The following CLK1 variants were observed in gnomAD, a reference collection of about 807,000 sequenced individuals.
CLK1 encodes dual specificity protein kinase CLK1.
CLK1 carries 40 observed loss-of-function variants against 60.9 expected under a neutral mutation model. The observed-to-expected ratio is 0.66, with a 90% CI of 0.51 to 0.86. The LOEUF (loss-of-function observed/expected upper bound fraction) is 0.86. CLK1 is among the 40% of genes least tolerant of loss of function. The pLI, the probability that CLK1 is intolerant of heterozygous loss-of-function variation, is 0.00. For synonymous variants in CLK1, 203 were observed against 184.4 expected (o/e 1.10, Z -0.82); for missense variants, 563 against 606.1 (o/e 0.93, Z 0.75).
intron 5 of CLK1, 29 bp downstream of exon 5, chr2:200,859,651 T>G: frequency 6.2e-7 from 1 of 1,601,466 alleles, no homozygotes; most frequent in Non-Finnish European, 8.5e-7. Context: ...CCAACTTCCC[T>G]AAAAGTAATC....
At chr2:200,862,328 G>C (rs552493186) in intron 1 of CLK1, among the ~76,000 whole-genome samples, 1 of 152,284 alleles carries the variant, frequency 6.6e-6, no homozygotes, top group Non-Finnish European at 1.5e-5. Context: ...AGCCTTAACT[G>C]ATGACATTCC....
At chr2:200,864,478 C>T in intron 1 of CLK1, 86 bp downstream of exon 1, 2 of 485,648 alleles carry the variant, frequency 4.1e-6, no homozygotes, top group South Asian at 6.5e-5. Flanking sequence ...GGGCAGCAAA[C>T]AAGCAGGAAA....
In CLK1 at chr2:200,864,066, T is replaced by C. The variant is rs529576782; in HGVS notation, c.-1+498A>G. The C allele has an allele frequency of 1.4e-3, 2,203 of 1,537,328 alleles. 44 individuals carry two copies. In the South Asian group the frequency reaches 0.021, roughly 14 times the overall value. ...CACTTTCATCATTAGACATTAACTG[T>C]AACCCCTACGGGTTCCGTCTCTTTC... is the stretch of plus-strand genomic sequence containing the variant. On this transcript the variant is annotated intron_variant, in intron 1 of 12. Transcript: ENST00000321356.
At chr2:200,862,071 C>T (rs921589633) in intron 1 of CLK1, among the ~76,000 whole-genome samples, 1 of 149,404 alleles carries the variant, frequency 6.7e-6, no homozygotes, top group Non-Finnish European at 1.5e-5. Context: ...CTGCATTAGC[C>T]ATATCATGCC....
Position 200,855,865 on chromosome 2 carries a change from C to T in CLK1, c.1058-779G>A, listed in dbSNP as rs560933867. ...CTCTACCAAAAATAAGAAAATTAACCGGGTGTGGTGGTGGGTGCCTATAAT... is the reference window on the plus strand; with the variant it reads ...CTCTACCAAAAATAAGAAAATTAACTGGGTGTGGTGGTGGGTGCCTATAAT... On this transcript the variant is annotated intron_variant, in intron 9 of 12. Coordinates refer to ENST00000321356, the MANE Select transcript of CLK1 (RefSeq NM_004071.4). Among the ~76,000 whole-genome samples, 29 of 150,738 alleles carry T rather than the reference C, an allele frequency of 1.9e-4. No homozygotes were observed. In the South Asian group the frequency reaches 5.3e-3, roughly 27 times the overall value.
Position 200,856,749 on chromosome 2 carries a change from T to G in CLK1, c.990A>C (p.Thr330=). ...ATGTACTGTGATGTTCGTCATCATA[T>G]GTTGCACTACCAAAGTCTACAACTT... ...DIKVVDFGSA[T]YDDEHHSTLV... The change falls in exon 9 of 13, where the codon ACA becomes ACC. Residue 330 remains threonine (T), a synonymous_variant. Transcript: ENST00000321356. 1 of 1,613,600 alleles carries G rather than the reference T, an allele frequency of 6.2e-7. No individual in the cohort carries two copies. The highest frequency in any genetic ancestry group is 1.7e-5 in the Admixed American group (1 of 59,980).
chr2:200,859,050 C>T (rs1178530914), intron 5 of CLK1, among the ~76,000 whole-genome samples: 2 of 151,830 alleles, frequency 1.3e-5, no homozygotes, highest in Non-Finnish European at 1.5e-5. Flanking sequence ...GGCATGGTGG[C>T]GCGTGTCTGT....
chr2:200,853,500 T>C, intron 12 of CLK1, 51 bp from the exon 13 acceptor site: 1 of 1,506,608 alleles, frequency 6.6e-7, no homozygotes, highest in Non-Finnish European at 9.0e-7. Flanking sequence ...TACCATTGAC[T>C]ACACTATGTA....
Position 200,853,264 on chromosome 2 carries a change from C to A in CLK1, c.*42G>T, listed in dbSNP as rs1463229550. 2.0e-6 allele frequency: 3 copies of A among 1,469,330 alleles called. No individual in the cohort carries two copies. The highest frequency in any genetic ancestry group is 2.3e-5 in the East Asian group (1 of 42,668). 91.0% of individuals were successfully genotyped at this position (1,469,330 alleles called of 1,614,324 possible). ...TTAAAATTTAAAAATTAGACTGATACAGTCTGTAAGATCTCTTCGAGAGAG... is the reference window on the plus strand; with the variant it reads ...TTAAAATTTAAAAATTAGACTGATAAAGTCTGTAAGATCTCTTCGAGAGAG... On this transcript the variant is annotated 3_prime_UTR_variant, in exon 13 of 13. Transcript: ENST00000321356.
intron 9 of CLK1, among the ~76,000 whole-genome samples, chr2:200,855,342 GCA>G (rs1406566582): frequency 2.6e-5 from 4 of 152,112 alleles, no homozygotes; most frequent in African/African-American, 9.7e-5. Flanking sequence ...AATTGGCCGG[GCA>G]CAGTGGCTCA....
rs1310287422 is a variant in CLK1, at chr2:200,861,780, T to A, written c.83A>T (p.His28Leu). The A allele has an allele frequency of 6.2e-7, 1 of 1,614,178 alleles. No homozygotes were observed. Among genetic ancestry groups the A allele is most frequent in the South Asian group, 1.1e-5 (1 of 91,086 alleles). The change falls in exon 2 of 13, where the codon CAT becomes CTT. Residue 28 changes from histidine to leucine, a missense_variant. Physicochemically the swap from His to Leu is moderately conservative, Grantham distance 99. Coordinates refer to ENST00000321356, the MANE Select transcript of CLK1 (RefSeq NM_004071.4). ...GCTATGTGATCTCTTCCTTCTTTTA[T>A]GACTGCTGCTGCTCCTCCATTTTCC... The part of the protein sequence containing the change: ...DYGKWRSSSS[H>L]KRRKRSHSSA...
At chr2:200,854,264 G>A (rs375761268) in intron 11 of CLK1, 8 of 337,632 alleles carry the variant, frequency 2.4e-5, no homozygotes, top group Non-Finnish European at 3.2e-5. Flanking sequence ...GGCCAGGTGC[G>A]GTGGCTCACG....
intron 1 of CLK1, 45 bp from the exon 2 acceptor site, chr2:200,861,907 T>C (rs368064125): frequency 5.4e-5 from 85 of 1,564,950 alleles, no homozygotes; most frequent in Non-Finnish European, 7.0e-5. Context: ...TACCCCACAC[T>C]GAGCTGTTTA....
intron 7 of CLK1, 21 bp downstream of exon 7, chr2:200,857,697 G>C (rs372875143): frequency 1.9e-6 from 3 of 1,553,180 alleles, no homozygotes; most frequent in Non-Finnish European, 2.6e-6. Context: ...GCAAATTAAC[G>C]AAGATATACC....
intron 9 of CLK1, among the ~76,000 whole-genome samples, chr2:200,855,662 A>G (rs767944342): frequency 1.0e-4 from 15 of 149,636 alleles, no homozygotes; most frequent in South Asian, 2.1e-4. Flanking sequence ...TATATATGCA[A>G]TGTGATGTTT....
chr2:200,864,246 G>C (rs200388256), intron 1 of CLK1: 3 of 1,533,420 alleles, frequency 2.0e-6, no homozygotes, highest in Non-Finnish European at 2.6e-6. Context: ...CCGCCGAGGC[G>C]GTTCACAACA....
chr2:200,855,448 C>T (rs544192740), intron 9 of CLK1, among the ~76,000 whole-genome samples: 10 of 152,082 alleles, frequency 6.6e-5, no homozygotes, highest in South Asian at 2.1e-4. Context: ...GGTGAAACTC[C>T]GTCTCTACTA....
chr2:200,859,592 T>G, intron 5 of CLK1, 88 bp downstream of exon 5: 1 of 996,072 alleles, frequency 1.0e-6, no homozygotes, highest in Non-Finnish European at 1.6e-6. Context: ...GATATGTATC[T>G]AACTCATGGT....
At chr2:200,855,449 G>A (rs112313977) in intron 9 of CLK1, among the ~76,000 whole-genome samples, 11,407 of 152,098 alleles carry the variant, frequency 0.075, 531 homozygotes, top group South Asian at 0.11. Context: ...GTGAAACTCC[G>A]TCTCTACTAA....
Sources: allele counts gnomAD v4.1 joint callset (sites outside exome capture counted in the v4.1 genomes callset), GRCh38; gene constraint gnomAD v4.1.1; transcripts MANE v1.5; gene names NCBI Gene and HGNC (gene_info 2026-07-23, HGNC 2026-07-21).